Variants in PLCD4 observed in about 807,000 individuals in gnomAD.
PLCD4 encodes the protein phospholipase C delta 4, also known as 1-phosphatidylinositol 4,5-bisphosphate phosphodiesterase delta-4.
Under a neutral mutation model 90.2 loss-of-function variants are expected in PLCD4, and 63 were observed. That is an observed-to-expected ratio of 0.70 (90% CI 0.57 to 0.86). The LOEUF is 0.86. Among genes scored for constraint, PLCD4 ranks in the 40% least tolerant of loss-of-function variants. The pLI is 0.00. For synonymous variants in PLCD4, 294 were observed against 356.5 expected (o/e 0.82, Z 1.97); for missense variants, 830 against 956.3 (o/e 0.87, Z 1.74).
chr2:218,616,495 TG>T (rs978274949), intron 3 of PLCD4, among the ~76,000 whole-genome samples: 3 of 152,044 alleles, frequency 2.0e-5, no homozygotes, highest in Non-Finnish European at 4.4e-5. Flanking sequence ...GAGAATTTCT[TG>T]AGACCAGAAG....
chr2:218,614,886 C>T (rs1695508973), intron 1 of PLCD4, among the ~76,000 whole-genome samples: 1 of 152,060 alleles, frequency 6.6e-6, no homozygotes, highest in Admixed American at 6.6e-5. Flanking sequence ...ATAAAATATG[C>T]TTTACCATGT....
At chr2:218,624,218 TG>T (rs2106142283) in intron 6 of PLCD4, among the ~76,000 whole-genome samples, 1 of 152,340 alleles carries the variant, frequency 6.6e-6, no homozygotes, top group African/African-American at 2.4e-5. Flanking sequence ...CAAGGTATTC[TG>T]GGTCTAAACT....
intron 1 of PLCD4, among the ~76,000 whole-genome samples, chr2:218,610,126 A>C (rs1005152177): frequency 6.6e-6 from 1 of 152,016 alleles, no homozygotes; most frequent in African/African-American, 2.4e-5. Context: ...CAAAACAAAT[A>C]ATAATTTAAA....
At chr2:218,627,463 A>G (rs1050715592) in intron 6 of PLCD4, among the ~76,000 whole-genome samples, 8 of 152,024 alleles carry the variant, frequency 5.3e-5, no homozygotes, top group African/African-American at 1.4e-4. Flanking sequence ...GTTAAAAAAA[A>G]AAAGACATTT....
chr2:218,616,145 C>T (rs1461735732), intron 3 of PLCD4, 83 bp downstream of exon 3: 12 of 1,479,592 alleles, frequency 8.1e-6, no homozygotes, highest in Admixed American at 5.8e-5. Context: ...CAAAGTCCTA[C>T]GATAGTGTGT....
intron 1 of PLCD4, chr2:218,609,530 CCTTT>C (rs1259697355): frequency 2.0e-5 from 3 of 152,196 alleles, no homozygotes; most frequent in African/African-American, 7.2e-5. Flanking sequence ...TTAAGACCAA[CCTTT>C]CTTATTATCA....
chr2:218,628,344 G>A, intron 7 of PLCD4, 114 bp downstream of exon 7: 2 of 1,027,764 alleles, frequency 1.9e-6, no homozygotes, highest in Non-Finnish European at 2.9e-6. Context: ...TAGGGGCTGA[G>A]GAGCCCTGGA....
chr2:218,621,903 C>A (rs111767800), intron 5 of PLCD4, among the ~76,000 whole-genome samples: 5,782 of 151,902 alleles, frequency 0.038, 161 homozygotes, highest in Non-Finnish European at 0.054. Context: ...CACAGTGAAA[C>A]CCCCGTCTCT....
chr2:218,627,970 T>C, intron 6 of PLCD4, 59 bp from the exon 7 acceptor site: 1 of 1,446,060 alleles, frequency 6.9e-7, no homozygotes, highest in Non-Finnish European at 9.6e-7. Flanking sequence ...GGACTGTAGG[T>C]GTGCTGGGAT....
At chr2:218,626,933 C>T (rs1278712778) in intron 6 of PLCD4, among the ~76,000 whole-genome samples, 2 of 152,298 alleles carry the variant, frequency 1.3e-5, no homozygotes, top group African/African-American at 4.8e-5. Flanking sequence ...ATTATAGTAA[C>T]TGTGAGCTCC....
At chr2:218,628,564 C>T (rs758325205) in intron 7 of PLCD4, 5 of 218,894 alleles carry the variant, frequency 2.3e-5, no homozygotes, top group Admixed American at 5.1e-5. Context: ...GGAGTCAGAC[C>T]ATCTGAAATT....
intron 1 of PLCD4, 122 bp downstream of exon 1, chr2:218,608,192 C>T (rs545180434): frequency 2.0e-5 from 3 of 152,678 alleles, no homozygotes; most frequent in African/African-American, 7.2e-5. Flanking sequence ...CTTTCCTCAT[C>T]CCAACAGCTC....
At position 218,628,692 on chromosome 2, in the gene PLCD4, G is replaced by A. The variant is rs948326835; in HGVS notation, c.974+462G>A. 3 of 160,350 alleles carry A rather than the reference G, an allele frequency of 1.9e-5. No individual in the cohort carries two copies. In the East Asian group the frequency reaches 5.3e-4, roughly 28 times the overall value. 9.9% of individuals were successfully genotyped at this position (160,350 alleles called of 1,614,324 possible). A position where few individuals can be genotyped will look rare whatever the true frequency, so the allele number is the denominator to read the frequency against. ...CCTATTCTGTCTGGGTTGTTGTGAA[G>A]AGATAATTCATATGTCAATAGCTAA... On this transcript the variant is annotated intron_variant, in intron 7 of 15. Transcript: ENST00000450993.
chr2:218,616,119 C>A, intron 3 of PLCD4, 57 bp downstream of exon 3: 1 of 1,585,546 alleles, frequency 6.3e-7, no homozygotes, highest in Non-Finnish European at 8.6e-7. Context: ...CCTGAGGAGC[C>A]CGGCAGGGGA....
chr2:218,620,701 G>A (rs1386953943), intron 4 of PLCD4, among the ~76,000 whole-genome samples: 1 of 151,240 alleles, frequency 6.6e-6, no homozygotes, highest in African/African-American at 2.4e-5. Flanking sequence ...GGGCAACAGA[G>A]CGAGACTCTG....
At chr2:218,621,403 C>T (rs964441114) in intron 4 of PLCD4, 67 bp from the exon 5 acceptor site, 21 of 1,577,792 alleles carry the variant, frequency 1.3e-5, no homozygotes, top group African/African-American at 5.4e-5. Flanking sequence ...TGTCAGTGGA[C>T]GAAGGTGCAC....
chr2:218,623,004 C>A (rs1695953875), intron 6 of PLCD4, 126 bp downstream of exon 6: 3 of 790,314 alleles, frequency 3.8e-6, no homozygotes, highest in Non-Finnish European at 6.1e-6. Context: ...CTGACCCCTG[C>A]CCAATCATCT....
At chr2:218,610,869 AG>A (rs1695301739) in intron 1 of PLCD4, among the ~76,000 whole-genome samples, 1 of 152,098 alleles carries the variant, frequency 6.6e-6, no homozygotes, top group Admixed American at 6.6e-5. Context: ...CGGAGATTAT[AG>A]GTGTGCACCA....
chr2:218,609,886 A>C (rs961254136), intron 1 of PLCD4: 1 of 152,374 alleles, frequency 6.6e-6, no homozygotes, highest in Non-Finnish European at 1.5e-5. Context: ...GAGGGAACCA[A>C]CTGGAAGAGG....
Sources: allele counts gnomAD v4.1 joint callset (sites outside exome capture counted in the v4.1 genomes callset), GRCh38; gene constraint gnomAD v4.1.1; transcripts MANE v1.5; gene names NCBI Gene and HGNC (gene_info 2026-07-23, HGNC 2026-07-21).